The following SYNPO variants were observed in gnomAD, a reference collection of about 807,000 sequenced individuals.
SYNPO encodes synaptopodin.
SYNPO carries 19 observed loss-of-function variants against 49.5 expected under a neutral mutation model. The ratio of observed to expected loss-of-function variants is 0.38; its 90% confidence interval spans 0.27 to 0.56. The LOEUF is 0.56. SYNPO is among the 20% of genes least tolerant of loss of function. SYNPO has a pLI of 0.68. For missense variants in SYNPO, 1,131 were observed against 1,248.3 expected, an observed-to-expected ratio of 0.91 and a Z score of 1.42; for synonymous variants, 536 against 548.0, an observed-to-expected ratio of 0.98 and a Z score of 0.31.
intron 2 of SYNPO, chr5:150,624,671 C>A (rs1267202308): frequency 4.6e-6 from 1 of 217,124 alleles, no homozygotes; most frequent in Non-Finnish European, 7.8e-6. Context: ...GCAGCAGGAG[C>A]ACGGCTCACC....
intron 1 of SYNPO, among the ~76,000 whole-genome samples, chr5:150,647,556 G>GC (rs964935160): frequency 3.9e-5 from 6 of 152,196 alleles, no homozygotes; most frequent in Non-Finnish European, 7.3e-5. Context: ...GAGAAAGCAA[G>GC]CCAGTGTGGC....
At chr5:150,633,725 G>A (rs781633875) in intron 2 of SYNPO, among the ~76,000 whole-genome samples, 3 of 152,212 alleles carry the variant, frequency 2.0e-5, no homozygotes, top group Non-Finnish European at 4.4e-5. Context: ...CTGTAAAATG[G>A]TGTAACAATC....
intron 1 of SYNPO, among the ~76,000 whole-genome samples, chr5:150,617,178 C>T (rs947293715): frequency 6.6e-5 from 10 of 152,124 alleles, no homozygotes; most frequent in Admixed American, 6.6e-5. Context: ...ATTTTACAGA[C>T]GGGGAAGTGG....
chr5:150,616,097 C>T (rs149488228), intron 1 of SYNPO, among the ~76,000 whole-genome samples: 2 of 152,302 alleles, frequency 1.3e-5, no homozygotes, highest in East Asian at 3.9e-4. Flanking sequence ...TGGTTGTTTG[C>T]CTTTCCCCTG....
chr5:150,652,175 C>G (rs1020298686), intron 2 of SYNPO: 23 of 1,001,512 alleles, frequency 2.3e-5, no homozygotes, highest in Middle Eastern at 5.1e-4. Context: ...GGCCTGGCCT[C>G]TCCCAGAACA....
At chr5:150,591,185 T>C in the SYNPO span, among the ~76,000 whole-genome samples, 1 of 151,798 alleles carries the variant, frequency 6.6e-6, no homozygotes, top group African/African-American at 2.4e-5. Flanking sequence ...TGGGGGTGGG[T>C]CTTGGCAAAG....
At chr5:150,613,671 G>C (rs1030932149) in intron 1 of SYNPO, among the ~76,000 whole-genome samples, 1 of 152,170 alleles carries the variant, frequency 6.6e-6, no homozygotes, top group African/African-American at 2.4e-5. Context: ...GGGAGGTCAG[G>C]TAGAGAGCCA....
At position 150,657,986 on chromosome 5, in the gene SYNPO, G is replaced by A. The variant is rs1322629740; in HGVS notation, c.*899G>A. On this transcript the variant is annotated 3_prime_UTR_variant, in exon 3 of 3. Transcript: ENST00000307662. ...GGTTCTGGGCTCAAAGCTGAACTGG[G>A]GAGAGAAGAGATACAGAGCTACCAT... is the stretch of plus-strand genomic sequence containing the variant. The A allele has an allele frequency of 6.6e-6, 1 of 152,370 alleles. No individual in the cohort carries two copies. The highest frequency in any genetic ancestry group is 2.4e-5 in the African/African-American group (1 of 41,446). 9.4% of individuals were successfully genotyped at this position (152,370 alleles called of 1,614,324 possible). A position where few individuals can be genotyped will look rare whatever the true frequency, so the allele number is the denominator to read the frequency against.
chr5:150,599,258 A>G (rs2151328975), upstream of SYNPO, among the ~76,000 whole-genome samples: 1 of 152,376 alleles, frequency 6.6e-6, no homozygotes, highest in South Asian at 2.1e-4. Context: ...GTAAAGAACC[A>G]GGTCCTTAGA....
In SYNPO at chr5:150,631,873, A is replaced by C. The variant is rs373575213; in HGVS notation, c.400+13106A>C. 1.2e-3 allele frequency among the ~76,000 whole-genome samples: 181 copies of C among 152,254 alleles called. 4 individuals are homozygous for C. The South Asian group carries it at 0.037, about 31-fold the overall frequency. On this transcript the variant is annotated intron_variant, in intron 2 of 2. Coordinates refer to the SYNPO transcript ENST00000394243. ...CTGGGCAGGAGGCTGCGGTCACTCAAGCTGAGTGCCCCTGTTCAGGTGAGT... is the reference window on the plus strand; with the variant it reads ...CTGGGCAGGAGGCTGCGGTCACTCACGCTGAGTGCCCCTGTTCAGGTGAGT...
intron 1 of SYNPO, among the ~76,000 whole-genome samples, chr5:150,603,291 C>A (rs1170765417): frequency 6.6e-6 from 1 of 152,228 alleles, no homozygotes; most frequent in African/African-American, 2.4e-5. Context: ...AGCTCTGGCT[C>A]CCAGGCCACT....
chr5:150,621,021 C>T (rs1305403092), intron 2 of SYNPO, among the ~76,000 whole-genome samples: 2 of 143,654 alleles, frequency 1.4e-5, no homozygotes, highest in Non-Finnish European at 3.0e-5. Flanking sequence ...GGCATGATCT[C>T]GGCTCATTGC....
chr5:150,622,018 T>C (rs898586763), intron 2 of SYNPO, among the ~76,000 whole-genome samples: 1 of 152,174 alleles, frequency 6.6e-6, no homozygotes, highest in African/African-American at 2.4e-5. Context: ...AGACTCTGAG[T>C]GCCAGAGATG....
intron 1 of SYNPO, among the ~76,000 whole-genome samples, chr5:150,617,213 G>A (rs1757005155): frequency 6.6e-6 from 1 of 152,136 alleles, no homozygotes; most frequent in South Asian, 2.1e-4. Context: ...CCTGTGGCTG[G>A]CTTGTTGATC....
chr5:150,588,101 A>T, the SYNPO span, among the ~76,000 whole-genome samples: 4 of 152,212 alleles, frequency 2.6e-5, no homozygotes, highest in Non-Finnish European at 4.4e-5. Flanking sequence ...TTAGTTTCAA[A>T]AAAGTGTGAA....
chr5:150,636,676 T>C (rs886212643), upstream of SYNPO, among the ~76,000 whole-genome samples: 1 of 152,076 alleles, frequency 6.6e-6, no homozygotes, highest in African/African-American at 2.4e-5. Context: ...GAGAGGGCCA[T>C]GGCAGGGTCA....
At chr5:150,591,126 G>A in the SYNPO span, among the ~76,000 whole-genome samples, 1 of 152,176 alleles carries the variant, frequency 6.6e-6, no homozygotes, top group Non-Finnish European at 1.5e-5. Flanking sequence ...AGGGGTGTCT[G>A]GAGGACATGG....
intron 2 of SYNPO, among the ~76,000 whole-genome samples, chr5:150,626,754 G>A (rs1462529594): frequency 1.3e-5 from 2 of 152,296 alleles, no homozygotes; most frequent in East Asian, 3.9e-4. Context: ...TTTAGAATTG[G>A]GGAGACTGGG....
At position 150,648,986 on chromosome 5, in the gene SYNPO, C is replaced by G; in HGVS notation, c.711C>G (p.Asn237Lys). 1 of 1,614,268 alleles carries G rather than the reference C, an allele frequency of 6.2e-7. No individual in the cohort carries two copies. Among genetic ancestry groups the G allele is most frequent in the Admixed American group, 1.7e-5 (1 of 60,038 alleles). ...FTLAKPPSVV[N>K]RTARPFGIQA... ...TGGCCAAGCCCCCATCAGTGGTCAA[C>G]AGGACGGCCAGGCCTTTTGGGATCC... Residue 237 changes from asparagine (N) to lysine (K), a missense_variant, in exon 2 of 3, where the codon AAC becomes AAG. Coordinates refer to ENST00000307662, the MANE Select transcript of SYNPO (RefSeq NM_007286.6). The surrounding 1 kb of genome is among the most constrained non-coding windows in gnomAD (Gnocchi z 5.0).
Sources: gnomAD v4.1 joint callset for allele counts (sites outside exome capture counted in the v4.1 genomes callset) on GRCh38, gnomAD v4.1.1 for gene constraint, Gnocchi (gnomAD v3.1) non-coding constraint, MANE v1.5 for transcripts, NCBI Gene and HGNC (gene_info 2026-07-23, HGNC 2026-07-21) for gene names.